Variants in ARL15 observed in about 807,000 individuals in gnomAD.
ARL15 encodes the protein ADP-ribosylation factor-like protein 15.
ARL15 carries 19 observed loss-of-function variants against 25.2 expected under a neutral mutation model. The ratio of observed to expected loss-of-function variants is 0.75; its 90% confidence interval spans 0.53 to 1.10. The LOEUF is 1.10. ARL15 is among the 50% of genes least tolerant of loss of function. ARL15 has a pLI of 0.00. For missense variants in ARL15, 220 were observed against 246.0 expected (o/e 0.89, Z 0.71); for synonymous variants, 94 against 86.8 (o/e 1.08, Z -0.46).
chr5:53,962,100 T>C (rs1367242150), intron 4 of ARL15, among the ~76,000 whole-genome samples: 1 of 152,170 alleles, frequency 6.6e-6, no homozygotes, highest in Non-Finnish European at 1.5e-5. Flanking sequence ...AAACTACTGA[T>C]GGTAAGAGTA....
chr5:53,939,499 G>A (rs1045021978), intron 4 of ARL15, among the ~76,000 whole-genome samples: 1 of 152,174 alleles, frequency 6.6e-6, no homozygotes, highest in Non-Finnish European at 1.5e-5. Context: ...CACCTTCTGA[G>A]GCCGAGGTGG....
At chr5:54,194,070 A>G (rs1415606169) in intron 1 of ARL15, among the ~76,000 whole-genome samples, 2 of 152,160 alleles carry the variant, frequency 1.3e-5, no homozygotes, top group East Asian at 3.9e-4. Flanking sequence ...CCTAATCGCC[A>G]TGCATTGGAA....
chr5:54,220,466 C>T (rs1756342744), intron 1 of ARL15, among the ~76,000 whole-genome samples: 1 of 152,208 alleles, frequency 6.6e-6, no homozygotes, highest in Admixed American at 6.5e-5. Context: ...AGCACGTCTT[C>T]ACCGAAGTTT....
intron 1 of ARL15, among the ~76,000 whole-genome samples, chr5:54,215,347 CTAATT>C (rs1172401394): frequency 2.6e-5 from 4 of 152,096 alleles, no homozygotes; most frequent in African/African-American, 9.7e-5. Context: ...CTGACAAACG[CTAATT>C]TGATGGGTGG....
chr5:54,306,231 T>C (rs1758750767), intron 1 of ARL15, among the ~76,000 whole-genome samples: 1 of 152,186 alleles, frequency 6.6e-6, no homozygotes. Context: ...TTTTAAAAGA[T>C]TCTTAAAAGA....
intron 1 of ARL15, among the ~76,000 whole-genome samples, chr5:54,254,005 T>G (rs745960812): frequency 2.0e-5 from 3 of 152,224 alleles, no homozygotes; most frequent in Admixed American, 6.5e-5. Flanking sequence ...ACAAGTTTCT[T>G]AAGACATGGG....
chr5:54,260,998 C>T (rs748184028), intron 1 of ARL15, among the ~76,000 whole-genome samples: 2 of 152,166 alleles, frequency 1.3e-5, no homozygotes, highest in East Asian at 1.9e-4. Flanking sequence ...TAGTTCCCCC[C>T]GCTTCTGATC....
intron 3 of ARL15, among the ~76,000 whole-genome samples, chr5:54,124,005 T>C (rs1277080675): frequency 2.0e-5 from 3 of 152,114 alleles, no homozygotes; most frequent in Admixed American, 6.6e-5. Flanking sequence ...CCAAATACAG[T>C]TTCCCACGAA....
At chr5:54,112,356 C>A (rs1752767056) in intron 4 of ARL15, among the ~76,000 whole-genome samples, 1 of 152,068 alleles carries the variant, frequency 6.6e-6, no homozygotes, top group South Asian at 2.1e-4. Flanking sequence ...ATGTCCTTGG[C>A]TCCTCATTTA....
At chr5:54,095,216 T>C (rs1351838830) in intron 4 of ARL15, among the ~76,000 whole-genome samples, 5 of 152,114 alleles carry the variant, frequency 3.3e-5, no homozygotes, top group African/African-American at 1.2e-4. Context: ...TAATAAGAGG[T>C]ATTAAAAAAA....
chr5:54,202,186 T>A (rs550994417), intron 1 of ARL15, among the ~76,000 whole-genome samples: 2 of 152,310 alleles, frequency 1.3e-5, no homozygotes, highest in African/African-American at 4.8e-5. Context: ...AAAAATTATA[T>A]GTATTTGTGT....
At chr5:54,299,718 T>C (rs1452717441) in intron 1 of ARL15, among the ~76,000 whole-genome samples, 1 of 150,676 alleles carries the variant, frequency 6.6e-6, no homozygotes, top group Non-Finnish European at 1.5e-5. Context: ...GCTTCCCAAG[T>C]AGCTGGGACT....
intron 4 of ARL15, among the ~76,000 whole-genome samples, chr5:53,996,604 G>A (rs1324895962): frequency 7.8e-6 from 1 of 128,514 alleles, no homozygotes; most frequent in Non-Finnish European, 1.6e-5. Flanking sequence ...GGGTGACAGA[G>A]TGAGACTGTC....
chr5:54,266,106 C>T (rs1757617173), intron 1 of ARL15, among the ~76,000 whole-genome samples: 1 of 152,208 alleles, frequency 6.6e-6, no homozygotes, highest in African/African-American at 2.4e-5. Flanking sequence ...AGAGAAACGA[C>T]TAACTTCATT....
intron 4 of ARL15, among the ~76,000 whole-genome samples, chr5:54,063,605 T>C (rs1052312841): frequency 2.0e-5 from 3 of 151,158 alleles, no homozygotes; most frequent in African/African-American, 7.3e-5. Context: ...TGGATATGTA[T>C]GACAAACTCC....
At chr5:54,095,514 A>G (rs562073003) in intron 4 of ARL15, among the ~76,000 whole-genome samples, 13 of 152,182 alleles carry the variant, frequency 8.5e-5, no homozygotes, top group Non-Finnish European at 1.6e-4. Context: ...GGCTGGTTAC[A>G]ACCAGGAAAG....
At chr5:54,235,214 C>T (rs936841945) in intron 1 of ARL15, among the ~76,000 whole-genome samples, 4 of 152,130 alleles carry the variant, frequency 2.6e-5, no homozygotes, top group African/African-American at 9.7e-5. Context: ...AGGATAAGAA[C>T]CAATGCTTGG....
intron 1 of ARL15, among the ~76,000 whole-genome samples, chr5:54,217,652 G>C (rs962561030): frequency 6.6e-6 from 1 of 152,050 alleles, no homozygotes; most frequent in Non-Finnish European, 1.5e-5. Context: ...GGGGTAAAAA[G>C]AAATAAACAT....
chr5:53,895,044 A>G (rs1744829690), intron 4 of ARL15, among the ~76,000 whole-genome samples: 1 of 152,200 alleles, frequency 6.6e-6, no homozygotes, highest in African/African-American at 2.4e-5. Context: ...ATTGCCACAG[A>G]GATGGTATGT....
Sources: gnomAD v4.1 joint callset for allele counts (sites outside exome capture counted in the v4.1 genomes callset) on GRCh38, gnomAD v4.1.1 for gene constraint, MANE v1.5 for transcripts, NCBI Gene and HGNC (gene_info 2026-07-23, HGNC 2026-07-21) for gene names.